Variants in CDH3 observed in about 807,000 individuals in gnomAD.
CDH3 encodes cadherin 3.
In CDH3, 54 loss-of-function variants were observed where a neutral mutation model predicts 82.0. That is an observed-to-expected ratio of 0.66 (90% CI 0.53 to 0.83). The LOEUF (loss-of-function observed/expected upper bound fraction) is 0.83, where lower values mean the gene tolerates loss of function less well. CDH3 is among the 40% of genes least tolerant of loss of function. CDH3 has a pLI of 0.00. For missense variants in CDH3, 1,054 were observed against 1,084.6 expected, an observed-to-expected ratio of 0.97 and a Z score of 0.40; for synonymous variants, 446 against 437.9, an observed-to-expected ratio of 1.02 and a Z score of -0.23.
At chr16:68,696,288 G>A (rs184810078) in intron 15 of CDH3, 48 of 346,964 alleles carry the variant, frequency 1.4e-4, no homozygotes, top group African/African-American at 8.4e-4. Flanking sequence ...GCATGGTGGC[G>A]GGCACCTGTA....
intron 2 of CDH3, among the ~76,000 whole-genome samples, chr16:68,658,468 G>A (rs1960468208): frequency 6.6e-6 from 1 of 152,138 alleles, no homozygotes; most frequent in Admixed American, 6.5e-5. Context: ...AGCTATGAGA[G>A]GGCGGCTGGC....
downstream of CDH3, among the ~76,000 whole-genome samples, chr16:68,704,062 G>A (rs1489069318): frequency 1.3e-5 from 2 of 152,034 alleles, no homozygotes; most frequent in Non-Finnish European, 1.5e-5. Flanking sequence ...CGAGGCGGGC[G>A]GATCACGAGG....
downstream of CDH3, among the ~76,000 whole-genome samples, chr16:68,705,206 G>A (rs995619879): frequency 3.3e-5 from 5 of 152,178 alleles, no homozygotes; most frequent in South Asian, 4.1e-4. Context: ...AGATGGGGCC[G>A]TGGGGCAGGC....
At chr16:68,695,201 C>T (rs1293372778) in intron 13 of CDH3, 54 bp from the exon 14 acceptor site, 3 of 1,608,086 alleles carry the variant, frequency 1.9e-6, no homozygotes, top group Non-Finnish European at 1.7e-6. Context: ...GCCTGGGGGT[C>T]TTGGCCCACT....
intron 2 of CDH3, among the ~76,000 whole-genome samples, chr16:68,654,431 G>A (rs1319042373): frequency 7.3e-5 from 7 of 95,632 alleles, no homozygotes; most frequent in Non-Finnish European, 1.3e-4. Flanking sequence ...GGCTGGGTGC[G>A]TTGGCTCACG....
chr16:68,711,728 A>C (rs1159440422), intron 1 of CDH3, among the ~76,000 whole-genome samples: 2 of 152,198 alleles, frequency 1.3e-5, no homozygotes, highest in Non-Finnish European at 2.9e-5. Flanking sequence ...GAAGAGAAGT[A>C]AAAGCTGAGG....
rs572026522 is a variant in CDH3 at position 68,646,010 on chromosome 16, C to T, written c.160+260C>T. The T allele has an allele frequency of 2.9e-5, 15 of 523,678 alleles. No homozygotes were observed. In the East Asian group the frequency reaches 4.7e-4, roughly 16 times the overall value. The allele number at this position is 523,678 out of a possible 1,614,324, so 32.4% of individuals were successfully genotyped here. On this transcript the variant is annotated intron_variant, in intron 2 of 15. Coordinates refer to ENST00000264012, the MANE Select transcript of CDH3 (RefSeq NM_001793.6). ...CCCCCTCCTCCGAGATGCCGGATGG[C>T]TGAGCCCCTCACCCAGTCTCGACGT...
chr16:68,705,925 C>T (rs1408320430), intron 1 of CDH3, among the ~76,000 whole-genome samples: 2 of 151,270 alleles, frequency 1.3e-5, no homozygotes, highest in African/African-American at 2.4e-5. Flanking sequence ...ATTAGCGCGG[C>T]GTGGTGGCAC....
chr16:68,700,954 G>A (rs1369073638), downstream of CDH3, among the ~76,000 whole-genome samples: 2 of 152,146 alleles, frequency 1.3e-5, no homozygotes, highest in African/African-American at 4.8e-5. Context: ...CTGAGCTGGG[G>A]CCTCAGATTC....
intron 1 of CDH3, among the ~76,000 whole-genome samples, chr16:68,712,457 A>T (rs1962043171): frequency 6.6e-6 from 1 of 152,222 alleles, no homozygotes; most frequent in Admixed American, 6.6e-5. Context: ...CATAATAATT[A>T]TAATAACCTT....
chr16:68,718,010 C>T (rs1345778864), intron 1 of CDH3, among the ~76,000 whole-genome samples: 5 of 151,920 alleles, frequency 3.3e-5, no homozygotes, highest in Non-Finnish European at 7.4e-5. Flanking sequence ...GACAGAGTCT[C>T]ATTCTGTTGC....
chr16:68,686,840 C>T (rs541349659), intron 11 of CDH3, among the ~76,000 whole-genome samples: 16 of 152,264 alleles, frequency 1.1e-4, no homozygotes, highest in African/African-American at 2.4e-4. Context: ...TGGTGGCACA[C>T]GCCTGTAGTC....
At chr16:68,719,179 G>A (rs1406238138) in intron 1 of CDH3, among the ~76,000 whole-genome samples, 2 of 151,372 alleles carry the variant, frequency 1.3e-5, no homozygotes, top group Non-Finnish European at 2.9e-5. Context: ...GGAGGTGGAG[G>A]TTGCAGTGAG....
chr16:68,656,232 C>T (rs1960406723), intron 2 of CDH3, among the ~76,000 whole-genome samples: 1 of 152,106 alleles, frequency 6.6e-6, no homozygotes, highest in South Asian at 2.1e-4. Context: ...GGCTGAAGTC[C>T]CAGTTGTACC....
At chr16:68,714,657 T>A (rs1222932150) in intron 1 of CDH3, among the ~76,000 whole-genome samples, 1 of 152,166 alleles carries the variant, frequency 6.6e-6, no homozygotes, top group East Asian at 1.9e-4. Flanking sequence ...TGGTGATAGG[T>A]AATAGCTGTA....
chr16:68,673,248 G>C (rs1960935968), intron 2 of CDH3, among the ~76,000 whole-genome samples: 1 of 152,116 alleles, frequency 6.6e-6, no homozygotes, highest in Admixed American at 6.5e-5. Context: ...TCCCATATCA[G>C]ACTTTTGTTT....
At position 68,656,537 on chromosome 16, in the gene CDH3, C is replaced by A. The variant is rs182602202; in HGVS notation, c.160+10787C>A. On this transcript the variant is annotated intron_variant, in intron 2 of 15. Transcript: ENST00000264012. Reference sequence around the variant, plus strand: ...AGCCCCTTTAATCCTCCTAAAAGCCCCATGAGGTGGGTGGAATTGGCCCCA... The same window carrying A: ...AGCCCCTTTAATCCTCCTAAAAGCCACATGAGGTGGGTGGAATTGGCCCCA... Among the ~76,000 whole-genome samples, 5 of 152,234 alleles carry A rather than the reference C, an allele frequency of 3.3e-5. No homozygotes were observed. In the East Asian group the frequency reaches 9.6e-4, roughly 29 times the overall value.
At chr16:68,670,940 G>A (rs1052366079) in intron 2 of CDH3, among the ~76,000 whole-genome samples, 2 of 152,044 alleles carry the variant, frequency 1.3e-5, no homozygotes, top group African/African-American at 4.8e-5. Flanking sequence ...GGGCGTGGTG[G>A]TGCACTCCTG....
chr16:68,678,052 C>G (rs978240732), intron 3 of CDH3, 82 bp from the exon 4 acceptor site: 2 of 1,345,184 alleles, frequency 1.5e-6, no homozygotes. Context: ...CCCAGCCACC[C>G]TTTTAACTCT....
Sources: allele counts gnomAD v4.1 joint callset (sites outside exome capture counted in the v4.1 genomes callset), GRCh38; gene constraint gnomAD v4.1.1; transcripts MANE v1.5; gene names NCBI Gene and HGNC (gene_info 2026-07-23, HGNC 2026-07-21).